FRMD4A: variants seen among roughly 807,000 people sequenced by gnomAD.
The protein encoded by FRMD4A is FERM domain containing 4A.
Under a neutral mutation model 129.1 loss-of-function variants are expected in FRMD4A, and 29 were observed. The observed-to-expected ratio is 0.22, with a 90% CI of 0.17 to 0.31. The LOEUF (loss-of-function observed/expected upper bound fraction) is 0.31, where lower values mean the gene tolerates loss of function less well. FRMD4A is among the 10% of genes least tolerant of loss of function. The pLI is 1.00. For missense variants in FRMD4A, 1,272 were observed against 1,375.8 expected (o/e 0.92, Z 1.19); for synonymous variants, 634 against 571.6 (o/e 1.11, Z -1.56).
At chr10:14,180,685 G>T (rs1397671649) in intron 2 of FRMD4A, among the ~76,000 whole-genome samples, 1 of 152,208 alleles carries the variant, frequency 6.6e-6, no homozygotes. Flanking sequence ...AATCCAAGAT[G>T]AGAGTTCCTA....
At chr10:14,056,581 T>A (rs992149657) in intron 2 of FRMD4A, among the ~76,000 whole-genome samples, 1 of 152,098 alleles carries the variant, frequency 6.6e-6, no homozygotes, top group African/African-American at 2.4e-5. Flanking sequence ...AAAAAATATT[T>A]TAAGTTTTGG....
intron 3 of FRMD4A, among the ~76,000 whole-genome samples, chr10:13,850,003 T>C (rs547280556): frequency 6.6e-6 from 1 of 151,758 alleles, no homozygotes; most frequent in Non-Finnish European, 1.5e-5. Context: ...ATCCCGCCTC[T>C]ACTAAAAATA....
chr10:13,859,004 CCTCTGGGCAAAACTTCCT>C, intron 2 of FRMD4A, 92 bp from the exon 3 acceptor site: 2 of 797,448 alleles, frequency 2.5e-6, no homozygotes, highest in Non-Finnish European at 4.5e-6. Flanking sequence ...CAGGCATATT[CCTCTGGGCAAAACTTCCT>C]CTGGGAGTCG....
chr10:13,925,644 C>T (rs1435616151), intron 2 of FRMD4A, among the ~76,000 whole-genome samples: 3 of 121,004 alleles, frequency 2.5e-5, no homozygotes, highest in East Asian at 2.8e-4. Flanking sequence ...AGTGCGGTGG[C>T]GTGATCTCGG....
rs3829929 is a variant in FRMD4A at position 13,674,718 on chromosome 10, T to C, written c.1251+193A>G. On this transcript the variant is annotated intron_variant, in intron 16 of 24. Coordinates refer to ENST00000357447, the MANE Select transcript of FRMD4A (RefSeq NM_018027.5). ...ACAAAGCACATTAGAGAGGTTTGGA[T>C]GTTTCCAACATTTGTGTTTCAGGAG... Among the ~76,000 whole-genome samples the C allele has an allele frequency of 3.2e-3, 481 of 152,352 alleles. 8 individuals are homozygous for C. In the East Asian group the frequency reaches 0.055, roughly 18 times the overall value.
chr10:14,028,932 A>G (rs1833105248), intron 2 of FRMD4A, among the ~76,000 whole-genome samples: 1 of 152,230 alleles, frequency 6.6e-6, no homozygotes. Flanking sequence ...TTGATGGTGT[A>G]AATTTCTGTT....
At chr10:14,175,342 C>T (rs1841679850) in intron 2 of FRMD4A, among the ~76,000 whole-genome samples, 4 of 152,118 alleles carry the variant, frequency 2.6e-5, no homozygotes, top group Admixed American at 2.0e-4. Context: ...CCACTCTGTC[C>T]TCCAGATGGA....
chr10:13,755,169 T>C (rs1186308593), intron 8 of FRMD4A, among the ~76,000 whole-genome samples: 1 of 152,214 alleles, frequency 6.6e-6, no homozygotes, highest in South Asian at 2.1e-4. Context: ...AAAAAAAGTC[T>C]TTTAGAAGAA....
At chr10:14,177,394 A>G (rs1841768937) in intron 2 of FRMD4A, among the ~76,000 whole-genome samples, 1 of 151,928 alleles carries the variant, frequency 6.6e-6, no homozygotes, top group African/African-American at 2.4e-5. Context: ...GCTGGTCTTG[A>G]ACACCTGGCC....
chr10:13,795,539 C>T (rs1410841303), intron 5 of FRMD4A, among the ~76,000 whole-genome samples: 34 of 152,158 alleles, frequency 2.2e-4, no homozygotes, highest in Admixed American at 2.1e-3. Flanking sequence ...TTAGGAATGA[C>T]AGAATTGCAT....
intron 2 of FRMD4A, among the ~76,000 whole-genome samples, chr10:14,038,828 C>T (rs1264575406): frequency 6.6e-6 from 1 of 152,196 alleles, no homozygotes; most frequent in Non-Finnish European, 1.5e-5. Flanking sequence ...CAGCACCTCA[C>T]TAAATGTCTG....
intron 2 of FRMD4A, among the ~76,000 whole-genome samples, chr10:13,972,986 T>C (rs1319983558): frequency 6.6e-6 from 1 of 152,242 alleles, no homozygotes; most frequent in South Asian, 2.1e-4. Context: ...AATCTACTAA[T>C]CTACTGGAGC....
chr10:14,319,596 C>T (rs760376718), intron 2 of FRMD4A, among the ~76,000 whole-genome samples: 5 of 152,094 alleles, frequency 3.3e-5, no homozygotes, highest in African/African-American at 1.2e-4. Context: ...ATTCCAAAGT[C>T]GAGGGAACAT....
intron 3 of FRMD4A, among the ~76,000 whole-genome samples, chr10:13,844,433 T>C (rs564819514): frequency 5.3e-5 from 8 of 152,306 alleles, no homozygotes; most frequent in Admixed American, 4.6e-4. Context: ...TATGGTCTAC[T>C]GATATTTTTT....
intron 2 of FRMD4A, among the ~76,000 whole-genome samples, chr10:14,139,037 T>C (rs968740086): frequency 1.3e-5 from 2 of 152,240 alleles, no homozygotes; most frequent in Non-Finnish European, 2.9e-5. Context: ...CTTGCTCTAA[T>C]GCAATGAGTA....
chr10:14,064,605 T>G (rs1430611195), intron 2 of FRMD4A, among the ~76,000 whole-genome samples: 1 of 152,148 alleles, frequency 6.6e-6, no homozygotes. Context: ...TGAGGCAGAG[T>G]CTTGCTCCAT....
chr10:13,896,336 G>A (rs951140317), intron 2 of FRMD4A, among the ~76,000 whole-genome samples: 12 of 152,166 alleles, frequency 7.9e-5, no homozygotes, highest in African/African-American at 2.9e-4. Flanking sequence ...ATACTATGCA[G>A]CTGTAAAAAA....
chr10:14,292,332 T>C (rs919350602), intron 2 of FRMD4A, among the ~76,000 whole-genome samples: 2 of 152,168 alleles, frequency 1.3e-5, no homozygotes, highest in African/African-American at 4.8e-5. Flanking sequence ...TGCTCAGAAA[T>C]AAGCCCATGC....
chr10:14,126,229 G>A (rs1007098809), intron 2 of FRMD4A, among the ~76,000 whole-genome samples: 2 of 138,310 alleles, frequency 1.4e-5, no homozygotes, highest in African/African-American at 5.5e-5. Flanking sequence ...GGAGTGCAGT[G>A]GTGCGATCTT....
Sources: gnomAD v4.1 joint callset for allele counts (sites outside exome capture counted in the v4.1 genomes callset) on GRCh38, gnomAD v4.1.1 for gene constraint, MANE v1.5 for transcripts, NCBI Gene and HGNC (gene_info 2026-07-23, HGNC 2026-07-21) for gene names.